The following WWOX variants were observed in gnomAD, a reference collection of about 807,000 sequenced individuals.
WWOX encodes the protein WW domain containing oxidoreductase.
In WWOX, 69 loss-of-function variants were observed where a neutral mutation model predicts 46.2. The observed-to-expected ratio is 1.49, with a 90% CI of 1.23 to 1.82. The LOEUF (loss-of-function observed/expected upper bound fraction) is 1.82, where lower values mean the gene tolerates loss of function less well. WWOX is among the 40% of genes most tolerant of loss of function. The pLI, the probability that WWOX is intolerant of heterozygous loss-of-function variation, is 0.00. For synonymous variants in WWOX, 359 were observed against 202.6 expected, an observed-to-expected ratio of 1.77 and a Z score of -6.56; for missense variants, 919 against 542.6, an observed-to-expected ratio of 1.69 and a Z score of -6.89.
chr16:78,230,085 G>A (rs146888001), intron 5 of WWOX, among the ~76,000 whole-genome samples: 1 of 152,058 alleles, frequency 6.6e-6, no homozygotes, highest in Non-Finnish European at 1.5e-5. Flanking sequence ...TTACCATGTT[G>A]CCTAGGCTGG....
At chr16:78,402,573 C>G (rs78666366) in intron 6 of WWOX, among the ~76,000 whole-genome samples, 2 of 152,132 alleles carry the variant, frequency 1.3e-5, no homozygotes, top group Non-Finnish European at 2.9e-5. Flanking sequence ...AACCCCCTTT[C>G]TGAGCCCCTC....
At chr16:79,183,805 G>C (rs1185849395) in intron 8 of WWOX, among the ~76,000 whole-genome samples, 1 of 152,168 alleles carries the variant, frequency 6.6e-6, no homozygotes, top group Non-Finnish European at 1.5e-5. Context: ...GCTGGAATTT[G>C]AACCAAAGGT....
At chr16:78,331,958 A>G (rs9931046) in intron 5 of WWOX, among the ~76,000 whole-genome samples, 69,172 of 151,958 alleles carry the variant, frequency 0.46, 16,544 homozygotes, top group East Asian at 0.64. Context: ...GAACCAGGCT[A>G]GCTGACTCCA....
At chr16:79,118,008 T>C (rs2049551968) in intron 8 of WWOX, among the ~76,000 whole-genome samples, 1 of 152,268 alleles carries the variant, frequency 6.6e-6, no homozygotes, top group African/African-American at 2.4e-5. Flanking sequence ...GCACTTTTAA[T>C]TTCCTTCAAG....
intron 7 of WWOX, among the ~76,000 whole-genome samples, chr16:78,427,262 C>G (rs2083102944): frequency 6.6e-6 from 1 of 152,320 alleles, no homozygotes; most frequent in African/African-American, 2.4e-5. Flanking sequence ...TTATACTAGA[C>G]TGCTCCAAGG....
chr16:78,951,215 C>G (rs937876708), intron 8 of WWOX, among the ~76,000 whole-genome samples: 1 of 152,208 alleles, frequency 6.6e-6, no homozygotes, highest in East Asian at 1.9e-4. Flanking sequence ...GGTCATAATT[C>G]TATTTCTCTG....
intron 6 of WWOX, 107 bp downstream of exon 6, chr16:78,387,055 T>C (rs1038685799): frequency 1.7e-6 from 2 of 1,164,936 alleles, no homozygotes; most frequent in Non-Finnish European, 2.6e-6. Flanking sequence ...TGTCTTGGCG[T>C]CCAAACAGGA....
At chr16:78,422,678 TATATATACACAC>T (rs1451411282) in intron 6 of WWOX, among the ~76,000 whole-genome samples, 3 of 77,642 alleles carry the variant, frequency 3.9e-5, no homozygotes, top group African/African-American at 2.0e-4. Flanking sequence ...TATATATATA[TATATATACACAC>T]ACACACACAC....
At chr16:78,875,029 T>A (rs550016189) in intron 8 of WWOX, among the ~76,000 whole-genome samples, 5 of 152,158 alleles carry the variant, frequency 3.3e-5, no homozygotes, top group Non-Finnish European at 5.9e-5. Flanking sequence ...TATCCTATGC[T>A]TCTGAGAAAG....
intron 8 of WWOX, among the ~76,000 whole-genome samples, chr16:78,485,587 G>C (rs936103559): frequency 6.6e-6 from 1 of 152,154 alleles, no homozygotes; most frequent in Non-Finnish European, 1.5e-5. Context: ...GTAATGGGGA[G>C]GGGAGCCTGT....
intron 8 of WWOX, among the ~76,000 whole-genome samples, chr16:79,125,772 C>G (rs891495067): frequency 5.3e-5 from 8 of 152,306 alleles, no homozygotes; most frequent in African/African-American, 1.9e-4. Context: ...GTTCTTTGGA[C>G]TTCAGAGCCC....
intron 8 of WWOX, among the ~76,000 whole-genome samples, chr16:79,149,349 T>C (rs933958195): frequency 6.6e-6 from 1 of 152,238 alleles, no homozygotes; most frequent in Non-Finnish European, 1.5e-5. Flanking sequence ...ATTTTAAATA[T>C]TGAACCAGCC....
intron 8 of WWOX, among the ~76,000 whole-genome samples, chr16:79,209,808 C>T (rs138085717): frequency 2.1e-3 from 315 of 152,276 alleles, no homozygotes; most frequent in African/African-American, 7.4e-3. Context: ...AGATAAACCC[C>T]TTGAAGTTGT....
At chr16:78,425,111 T>TC in intron 7 of WWOX, 56 bp downstream of exon 7, 2 of 1,602,012 alleles carry the variant, frequency 1.2e-6, no homozygotes, top group South Asian at 2.2e-5. Context: ...CAGCTAATAT[T>TC]CCCCCAAGGC....
intron 5 of WWOX, among the ~76,000 whole-genome samples, chr16:78,319,324 G>A (rs894541290): frequency 2.6e-5 from 4 of 152,146 alleles, no homozygotes; most frequent in East Asian, 1.9e-4. Flanking sequence ...TTTTGCTCTC[G>A]CCCAAGCTGG....
chr16:78,970,081 C>A (rs572950172), intron 8 of WWOX, among the ~76,000 whole-genome samples: 1 of 152,136 alleles, frequency 6.6e-6, no homozygotes, highest in Admixed American at 6.5e-5. Context: ...TCAAATTTCC[C>A]AAGTGCCCTC....
At chr16:78,373,570 G>A (rs1265955903) in intron 5 of WWOX, among the ~76,000 whole-genome samples, 2 of 152,030 alleles carry the variant, frequency 1.3e-5, no homozygotes, top group Non-Finnish European at 2.9e-5. Flanking sequence ...GTGGAAAGAG[G>A]AGAAGTATTC....
At chr16:78,865,282 G>A (rs954794036) in intron 8 of WWOX, among the ~76,000 whole-genome samples, 15 of 151,572 alleles carry the variant, frequency 9.9e-5, no homozygotes, top group African/African-American at 3.6e-4. Flanking sequence ...CACTTTCTCT[G>A]TTATTCCTTG....
intron 5 of WWOX, among the ~76,000 whole-genome samples, chr16:78,326,507 T>C (rs1354592050): frequency 1.4e-5 from 2 of 147,846 alleles, no homozygotes; most frequent in Admixed American, 1.3e-4. Flanking sequence ...CCAGCATCAC[T>C]GTTACTTACT....
Sources: gnomAD v4.1 joint callset for allele counts (sites outside exome capture counted in the v4.1 genomes callset) on GRCh38, gnomAD v4.1.1 for gene constraint, MANE v1.5 for transcripts, NCBI Gene and HGNC (gene_info 2026-07-23, HGNC 2026-07-21) for gene names.